CACNA1H: variants seen among roughly 807,000 people sequenced by gnomAD.
The protein encoded by CACNA1H is calcium voltage-gated channel subunit alpha1 H.
A neutral mutation model predicts 192.5 loss-of-function variants in CACNA1H; 149 were observed. The observed-to-expected ratio is 0.77, with a 90% CI of 0.68 to 0.89. CACNA1H has a LOEUF of 0.89. Ranked by LOEUF, CACNA1H falls within the 40% of genes least tolerant of loss-of-function variation. The probability of loss-of-function intolerance (pLI) is 0.00; values close to 1 mark genes in which losing one functional copy is unlikely to be tolerated. For missense variants in CACNA1H, 4,257 were observed against 3,423.5 expected (o/e 1.24, Z -6.08); for synonymous variants, 2,202 against 1,475.2 (o/e 1.49, Z -11.29).
At chr16:1,193,733 G>A (rs546592746) in intron 2 of CACNA1H, among the ~76,000 whole-genome samples, 212 of 152,338 alleles carry the variant, frequency 1.4e-3, no homozygotes, top group African/African-American at 2.7e-3. Context: ...GCCTGGAGCC[G>A]TGGCACTGGC....
At chr16:1,210,743 C>G (rs1434555268) in intron 20 of CACNA1H, 44 bp from the exon 21 acceptor site, 3 of 1,590,178 alleles carry the variant, frequency 1.9e-6, no homozygotes, top group East Asian at 4.5e-5. Context: ...CTCCCCAGAC[C>G]CCCCACGCCT....
At chr16:1,162,557 C>T (rs1212956266) in intron 2 of CACNA1H, among the ~76,000 whole-genome samples, 1 of 151,352 alleles carries the variant, frequency 6.6e-6, no homozygotes, top group Non-Finnish European at 1.5e-5. Context: ...CCTCGGTTGG[C>T]ACGGGGGCTG....
intron 9 of CACNA1H, 102 bp downstream of exon 9, chr16:1,202,554 G>A (rs1968092884): frequency 9.4e-7 from 1 of 1,064,908 alleles, no homozygotes; most frequent in South Asian, 1.7e-5. Context: ...GCACTCTGAT[G>A]AGCCCAGCTT....
At chr16:1,162,673 C>T (rs906687046) in intron 2 of CACNA1H, among the ~76,000 whole-genome samples, 15 of 149,604 alleles carry the variant, frequency 1.0e-4, no homozygotes, top group African/African-American at 2.0e-4. Flanking sequence ...AGGAGCCGAG[C>T]GTCTTGGGAC....
Position 1,180,629 on chromosome 16 carries a change from C to T in CACNA1H, c.300-14343C>T, listed in dbSNP as rs908758939. 1.3e-5 allele frequency among the ~76,000 whole-genome samples: 2 copies of T among 152,036 alleles called. No individual in the cohort carries two copies. The highest frequency in any genetic ancestry group is 1.3e-4 in the Admixed American group (2 of 15,274). ...CATAGTGTGTCGGGTGGGGAGTGGC[C>T]CACCTGGCCTTGGCTTTCCCGGGGC... On this transcript the variant is annotated intron_variant, in intron 2 of 34. Transcript: ENST00000348261. This position sits in a 1 kb window ranked among gnomAD's most constrained non-coding sequence, Gnocchi z 4.4.
At chr16:1,176,619 G>C (rs181360224) in intron 2 of CACNA1H, among the ~76,000 whole-genome samples, 1 of 152,202 alleles carries the variant, frequency 6.6e-6, no homozygotes, top group Non-Finnish European at 1.5e-5. Context: ...AAGGGGTTCC[G>C]GGTTTGTCTG....
chr16:1,221,723 G>A lies in CACNA1H; in HGVS notation c.*729G>A, dbSNP rs1390427379. 2 of 1,434,006 alleles carry A rather than the reference G, an allele frequency of 1.4e-6. No homozygotes were observed. The highest frequency in any genetic ancestry group is 1.4e-5 in the African/African-American group (1 of 70,640). The allele number at this position is 1,434,006 out of a possible 1,614,324, so 88.8% of individuals were successfully genotyped here. On this transcript the variant is annotated 3_prime_UTR_variant, in exon 35 of 35. Coordinates refer to ENST00000348261, the MANE Select transcript of CACNA1H (RefSeq NM_021098.3). ...ATGCAGAAGACTCAGCTTCTCAAGG[G>A]AGAGGGAGGGGGCGGAGCGGAATAA... is the stretch of plus-strand genomic sequence containing the variant.
Position 1,213,873 on chromosome 16 carries a change from CCTT to C in CACNA1H, c.4873_4875del (p.Phe1625del). ...AGCCACTATCTCGACCTCTTCATCA[CCTT>C]CATCATCTGTGTCAACGTCATCACC... On this transcript the variant is annotated inframe_deletion, in exon 27 of 35. Transcript: ENST00000348261. The C allele has an allele frequency of 6.2e-7, 1 of 1,611,406 alleles. No homozygotes were observed. The highest frequency in any genetic ancestry group is 8.5e-7 in the Non-Finnish European group (1 of 1,179,154).
intron 1 of CACNA1H, 45 bp downstream of exon 1, chr16:1,153,515 C>G (rs1273873164): frequency 2.9e-5 from 8 of 278,146 alleles, no homozygotes; most frequent in African/African-American, 9.8e-5. Flanking sequence ...CTTCAACTTG[C>G]GCGAAGCGGG....
rs28365121 is a variant in CACNA1H, at chr16:1,205,107, C to A, written c.2452-7C>A. On this transcript the variant is annotated splice_polypyrimidine_tract_variant and splice_region_variant and intron_variant, in intron 10 of 34. Coordinates refer to ENST00000348261, the MANE Select transcript of CACNA1H (RefSeq NM_021098.3). ...GCCTCCTGAACTGTCCCCACCTCTG[C>A]CTGCAGCCCGAGGAGCTGACTAATG... 6.2e-7 allele frequency: 1 copy of A among 1,609,562 alleles called. No homozygotes were observed. Among genetic ancestry groups the A allele is most frequent in the Non-Finnish European group, 8.5e-7 (1 of 1,179,120 alleles).
chr16:1,187,035 T>C (rs1179076703), intron 2 of CACNA1H, among the ~76,000 whole-genome samples: 1 of 152,218 alleles, frequency 6.6e-6, no homozygotes, highest in Non-Finnish European at 1.5e-5. Context: ...AAGCTGTTGC[T>C]TCCTCTGCGG....
intron 2 of CACNA1H, among the ~76,000 whole-genome samples, chr16:1,155,861 C>T (rs1021649110): frequency 1.3e-5 from 2 of 152,136 alleles, no homozygotes; most frequent in Non-Finnish European, 2.9e-5. Flanking sequence ...AGGGCTGGGG[C>T]CAGCGGCATC....
chr16:1,205,144 A>G lies in CACNA1H; in HGVS notation c.2482A>G (p.Ser828Gly), dbSNP rs1411455612. 4 of 1,612,622 alleles carry G rather than the reference A, an allele frequency of 2.5e-6. No individual in the cohort carries two copies. Among genetic ancestry groups the G allele is most frequent in the South Asian group, 1.1e-5 (1 of 91,082 alleles). The change falls in exon 11 of 35, where the codon AGC becomes GGC. Residue 828 changes from serine to glycine, a missense_variant. Coordinates refer to ENST00000348261, the MANE Select transcript of CACNA1H (RefSeq NM_021098.3). ...GGAGCTGACTAATGCTCTGGAGATC[A>G]GCAACATCGTGTTCACCAGCATGTT... ...PEELTNALEI[S>G]NIVFTSMFAL...
In CACNA1H at chr16:1,198,697, C is replaced by T. The variant is rs1297287543; in HGVS notation, c.726C>T (p.Phe242=). 1.9e-6 allele frequency: 3 copies of T among 1,613,374 alleles called. No individual in the cohort carries two copies. Among genetic ancestry groups the T allele is most frequent in the Non-Finnish European group, 2.5e-6 (3 of 1,179,656 alleles). Residue 242 remains phenylalanine, a synonymous_variant, in exon 6 of 35, where the codon TTC becomes TTT. Transcript: ENST00000348261. The part of the protein sequence containing the change: ...NVLLLCFFVF[F]IFGIVGVQLW... Reference sequence around the variant, plus strand: ...TTCTGCTGTGCTTCTTCGTCTTCTTCATTTTCGGCATCGTTGGCGTCCAGC... The same window carrying T: ...TTCTGCTGTGCTTCTTCGTCTTCTTTATTTTCGGCATCGTTGGCGTCCAGC...
Position 1,209,391 on chromosome 16 carries a change from G to C in CACNA1H, c.3723G>C (p.Glu1241Asp), listed in dbSNP as rs547739256. The change falls in exon 17 of 35, where the codon GAG (glutamate) becomes GAC (aspartate). Residue 1241 changes from glutamate (E) to aspartate (D), a missense_variant. By Grantham distance (45) the Glu-to-Asp change is conservative. Transcript: ENST00000348261. ...ACAGCCACCGTGAGGATGCAGCCGA[G>C]CTTGACGACGACTCGGAGGACGTGA... ...RIDSHREDAA[E>D]LDDDSEDSCC... The C allele has an allele frequency of 3.8e-6, 6 of 1,597,770 alleles. No homozygotes were observed. Among genetic ancestry groups the C allele is most frequent in the Non-Finnish European group, 5.1e-6 (6 of 1,179,524 alleles).
chr16:1,174,940 AC>A (rs1187521615), intron 2 of CACNA1H, among the ~76,000 whole-genome samples: 16 of 10,254 alleles, frequency 1.6e-3, no homozygotes, highest in East Asian at 8.5e-3. Context: ...CCCCACGTCC[AC>A]CCCCCCACCC....
chr16:1,163,880 T>C (rs1398759517), intron 2 of CACNA1H, among the ~76,000 whole-genome samples: 20 of 152,218 alleles, frequency 1.3e-4, no homozygotes, highest in Admixed American at 1.3e-3. Context: ...AGCTGGGCTA[T>C]GTGGCGGCCA....
rs769931331 is a variant in CACNA1H, at chr16:1,202,507, C to T, written c.2002+55C>T. 3.6e-4 allele frequency: 509 copies of T among 1,414,928 alleles called. 1 individual carries two copies. The highest frequency in any genetic ancestry group is 4.5e-4 in the Non-Finnish European group (481 of 1,074,554). The allele number at this position is 1,414,928 out of a possible 1,614,324, so 87.6% of individuals were successfully genotyped here. On this transcript the variant is annotated intron_variant, in intron 9 of 34. Coordinates refer to ENST00000348261, the MANE Select transcript of CACNA1H (RefSeq NM_021098.3). ...GGCGGTGGGACCTAGGCAGGGCGGG[C>T]AGGGTCTCCGGTGTGTCATTCCCAC...
intron 2 of CACNA1H, among the ~76,000 whole-genome samples, chr16:1,159,054 C>CT (rs1962837730): frequency 6.6e-6 from 1 of 152,258 alleles, no homozygotes; most frequent in Non-Finnish European, 1.5e-5. Context: ...GCCTGAGGCA[C>CT]TTCAGGGTGG....
Sources: gnomAD v4.1 joint callset for allele counts (sites outside exome capture counted in the v4.1 genomes callset) on GRCh38, gnomAD v4.1.1 for gene constraint, Gnocchi (gnomAD v3.1) non-coding constraint, MANE v1.5 for transcripts, NCBI Gene and HGNC (gene_info 2026-07-23, HGNC 2026-07-21) for gene names.